CDH2: variants seen among roughly 807,000 people sequenced by gnomAD.
CDH2 encodes the protein cadherin 2.
A neutral mutation model predicts 92.0 loss-of-function variants in CDH2; 17 were observed. That is an observed-to-expected ratio of 0.18 (90% CI 0.13 to 0.28). CDH2 has a LOEUF of 0.28. Among genes scored for constraint, CDH2 ranks in the 10% least tolerant of loss-of-function variants. The probability of loss-of-function intolerance (pLI) is 1.00; values close to 1 mark genes in which losing one functional copy is unlikely to be tolerated. For synonymous variants in CDH2, 419 were observed against 415.9 expected, an observed-to-expected ratio of 1.01 and a Z score of -0.09; for missense variants, 862 against 1,133.1, an observed-to-expected ratio of 0.76 and a Z score of 3.44.
At chr18:28,023,486 G>A (rs139917146) in intron 2 of CDH2, among the ~76,000 whole-genome samples, 1 of 108,084 alleles carries the variant, frequency 9.3e-6, no homozygotes, top group East Asian at 2.9e-4. Context: ...ACCATGCCCA[G>A]CTAATTTTTG....
intron 2 of CDH2, among the ~76,000 whole-genome samples, chr18:28,119,582 C>T (rs1195204664): frequency 1.3e-5 from 2 of 152,068 alleles, no homozygotes; most frequent in African/African-American, 2.4e-5. Context: ...GGACATTCTA[C>T]AACTGATCAA....
At chr18:28,003,302 G>T in intron 6 of CDH2, 133 bp from the exon 7 acceptor site, 2 of 615,284 alleles carry the variant, frequency 3.3e-6, no homozygotes, top group Non-Finnish European at 5.4e-6. Context: ...ATTTAGACTT[G>T]ATTAAAAATG....
chr18:28,084,846 A>G (rs949785496), intron 2 of CDH2, among the ~76,000 whole-genome samples: 1 of 152,166 alleles, frequency 6.6e-6, no homozygotes, highest in Non-Finnish European at 1.5e-5. Flanking sequence ...GTAACCAGTA[A>G]CAATGAACTT....
At chr18:28,027,778 A>G (rs2013594080) in intron 2 of CDH2, among the ~76,000 whole-genome samples, 1 of 151,966 alleles carries the variant, frequency 6.6e-6, no homozygotes, top group Non-Finnish European at 1.5e-5. Context: ...TTTCAATGAA[A>G]ACTCTTTCTT....
intron 2 of CDH2, among the ~76,000 whole-genome samples, chr18:28,110,075 A>C (rs2015386590): frequency 6.6e-6 from 1 of 152,180 alleles, no homozygotes; most frequent in African/African-American, 2.4e-5. Flanking sequence ...AACCCAACAC[A>C]CTTAGGAGTT....
In CDH2 at chr18:28,104,402, A is replaced by T. The variant is rs149473555; in HGVS notation, c.172+43271T>A. 4.0e-3 allele frequency among the ~76,000 whole-genome samples: 607 copies of T among 152,202 alleles called. 7 individuals are homozygous for T. Among genetic ancestry groups the T allele is most frequent in the African/African-American group, 0.014 (588 of 41,568 alleles). On this transcript the variant is annotated intron_variant, in intron 2 of 15. Coordinates refer to ENST00000269141, the MANE Select transcript of CDH2 (RefSeq NM_001792.5). The stretch of plus-strand genomic sequence containing the variant: ...TTGATATCTTGAAATCAAGGATAAC[A>T]AACAGATATTTAATTTTTCTCCTTC...
intron 2 of CDH2, among the ~76,000 whole-genome samples, chr18:28,086,743 A>C (rs2014937162): frequency 6.6e-6 from 1 of 152,198 alleles, no homozygotes; most frequent in Non-Finnish European, 1.5e-5. Context: ...TCTCATTAGA[A>C]TTTCAGTATC....
At chr18:28,008,482 G>T (rs1251514586) in intron 5 of CDH2, among the ~76,000 whole-genome samples, 1 of 152,094 alleles carries the variant, frequency 6.6e-6, no homozygotes, top group Non-Finnish European at 1.5e-5. Context: ...TTAGATCTAG[G>T]TGAATCTATT....
chr18:28,108,776 TAA>T (rs566385594), intron 2 of CDH2, among the ~76,000 whole-genome samples: 146 of 137,418 alleles, frequency 1.1e-3, no homozygotes, highest in African/African-American at 2.9e-3. Context: ...TAGATGTACC[TAA>T]AAAAAAAAAA....
chr18:28,085,890 T>C (rs1007210042), intron 2 of CDH2, among the ~76,000 whole-genome samples: 1 of 152,192 alleles, frequency 6.6e-6, no homozygotes, highest in African/African-American at 2.4e-5. Flanking sequence ...ATTTAGGTCA[T>C]GTGAACTAAT....
chr18:28,077,553 A>T (rs945339434), intron 2 of CDH2, among the ~76,000 whole-genome samples: 9 of 152,162 alleles, frequency 5.9e-5, no homozygotes, highest in African/African-American at 2.2e-4. Flanking sequence ...AAGCAGAAAA[A>T]ATGAAAACAA....
chr18:28,021,670 T>C lies in CDH2; in HGVS notation c.173-7761A>G, dbSNP rs367921636. ...TGATGTTAACCATAAAACCATAATA[T>C]CCTTATAAAATATTAACAAGAAACC... On this transcript the variant is annotated intron_variant, in intron 2 of 15. Coordinates refer to ENST00000269141, the MANE Select transcript of CDH2 (RefSeq NM_001792.5). Among the ~76,000 whole-genome samples the C allele has an allele frequency of 4.3e-4, 66 of 151,964 alleles. No individual in the cohort carries two copies. The South Asian group carries it at 0.013, about 30-fold the overall frequency.
rs1053375157 is a variant in CDH2 at position 28,057,630 on chromosome 18, G to A, written c.173-43721C>T. ...TGCAGTGAGCCAAGATCATGCTGCC[G>A]CACTGCAGCCTGGGTGACAGGGCAA... On this transcript the variant is annotated intron_variant, in intron 2 of 15. Coordinates refer to ENST00000269141, the MANE Select transcript of CDH2 (RefSeq NM_001792.5). 9.3e-5 allele frequency among the ~76,000 whole-genome samples: 14 copies of A among 150,928 alleles called. No individual in the cohort carries two copies. In the East Asian group the frequency reaches 9.8e-4, roughly 11 times the overall value.
chr18:27,940,520 T>A (rs1909110831), intron 6 of CDH2, among the ~76,000 whole-genome samples: 1 of 152,210 alleles, frequency 6.6e-6, no homozygotes, highest in African/African-American at 2.4e-5. Flanking sequence ...TTGGAGCTTT[T>A]TCTTGTGCTT....
At chr18:27,960,187 C>T (rs945540924) in intron 15 of CDH2, among the ~76,000 whole-genome samples, 3 of 152,088 alleles carry the variant, frequency 2.0e-5, no homozygotes, top group Non-Finnish European at 4.4e-5. Context: ...TCCCCTGGAA[C>T]ATGGATCAGG....
intron 2 of CDH2, among the ~76,000 whole-genome samples, chr18:28,033,294 C>T (rs147266270): frequency 7.9e-5 from 12 of 152,046 alleles, no homozygotes; most frequent in East Asian, 3.9e-4. Flanking sequence ...CAAATTTGTT[C>T]GGCAAGGTTT....
intron 2 of CDH2, among the ~76,000 whole-genome samples, chr18:28,049,339 T>C (rs1215593820): frequency 1.3e-5 from 2 of 152,224 alleles, no homozygotes; most frequent in African/African-American, 4.8e-5. Context: ...GGTTGCGATA[T>C]GGCTATTTCC....
At chr18:28,060,030 T>A (rs2014369865) in intron 2 of CDH2, among the ~76,000 whole-genome samples, 1 of 152,092 alleles carries the variant, frequency 6.6e-6, no homozygotes, top group African/African-American at 2.4e-5. Context: ...AGAAGTTTGA[T>A]CAGACCCTGG....
At chr18:28,056,195 T>A (rs972288374) in intron 2 of CDH2, among the ~76,000 whole-genome samples, 2 of 152,112 alleles carry the variant, frequency 1.3e-5, no homozygotes, top group Non-Finnish European at 2.9e-5. Context: ...GGAGGATTTG[T>A]AGAACATGGA....
Sources: gnomAD v4.1 joint callset for allele counts (sites outside exome capture counted in the v4.1 genomes callset) on GRCh38, gnomAD v4.1.1 for gene constraint, MANE v1.5 for transcripts, NCBI Gene and HGNC (gene_info 2026-07-23, HGNC 2026-07-21) for gene names.